Variants in LAMA3 observed in about 807,000 individuals in gnomAD.
The protein encoded by LAMA3 is laminin subunit alpha-3.
In LAMA3, 281 loss-of-function variants were observed where a neutral mutation model predicts 402.0. The ratio of observed to expected loss-of-function variants is 0.70; its 90% CI spans 0.63 to 0.77. The LOEUF is 0.77. LAMA3 is among the 30% of genes least tolerant of loss of function. LAMA3 has a pLI of 0.00. For synonymous variants in LAMA3, 1,431 were observed against 1,558.4 expected, an observed-to-expected ratio of 0.92 and a Z score of 1.93; for missense variants, 3,840 against 4,215.5, an observed-to-expected ratio of 0.91 and a Z score of 2.47.
chr18:23,850,478 C>T (rs2063919370), intron 32 of LAMA3, among the ~76,000 whole-genome samples: 1 of 152,228 alleles, frequency 6.6e-6, no homozygotes, highest in Non-Finnish European at 1.5e-5. Flanking sequence ...GCCTGGCTTT[C>T]AGCTTCTTAC....
intron 7 of LAMA3, among the ~76,000 whole-genome samples, chr18:23,762,514 AG>A (rs1243907547): frequency 1.3e-5 from 2 of 151,508 alleles, no homozygotes; most frequent in African/African-American, 4.8e-5. Flanking sequence ...GCTTGAACCC[AG>A]GAGGCAGAGG....
intron 12 of LAMA3, among the ~76,000 whole-genome samples, chr18:23,798,948 A>G (rs1207066317): frequency 6.6e-6 from 1 of 152,242 alleles, no homozygotes; most frequent in African/African-American, 2.4e-5. Context: ...GGCATTATTC[A>G]TGGCAATGTC....
intron 8 of LAMA3, among the ~76,000 whole-genome samples, chr18:23,768,348 C>A (rs1024004336): frequency 6.6e-6 from 1 of 152,124 alleles, no homozygotes; most frequent in Non-Finnish European, 1.5e-5. Flanking sequence ...AGACACTTTG[C>A]AGAAGAAGAC....
At chr18:23,915,493 T>A in intron 59 of LAMA3, 71 bp downstream of exon 59, 1 of 1,419,202 alleles carries the variant, frequency 7.0e-7, no homozygotes, top group Non-Finnish European at 9.9e-7. Context: ...TTACATATGA[T>A]AAAGGATGGG....
At chr18:23,804,965 C>CT (rs2062934143) in intron 12 of LAMA3, among the ~76,000 whole-genome samples, 1 of 152,204 alleles carries the variant, frequency 6.6e-6, no homozygotes, top group Non-Finnish European at 1.5e-5. Context: ...TCCTGTACAG[C>CT]TTGCAAAACT....
At position 23,826,805 on chromosome 18, in the gene LAMA3, T is replaced by A; in HGVS notation, c.2669+6T>A. The A allele has an allele frequency of 6.5e-7, 1 of 1,546,074 alleles. No homozygotes were observed. Among genetic ancestry groups the A allele is most frequent in the South Asian group, 1.2e-5 (1 of 84,196 alleles). On this transcript the variant is annotated splice_donor_region_variant and intron_variant, in intron 22 of 74. Transcript: ENST00000313654. The stretch of plus-strand genomic sequence containing the variant: ...GCAGGACCTCCCCAAGAAAAGTCAG[T>A]GTGGGGCAGAAGGTGCAGCCGCATC...
chr18:23,709,259 G>C (rs977414025), intron 1 of LAMA3, among the ~76,000 whole-genome samples: 1 of 151,660 alleles, frequency 6.6e-6, no homozygotes, highest in Non-Finnish European at 1.5e-5. Flanking sequence ...TTTTAGTAGA[G>C]ACGGGGTTTC....
intron 13 of LAMA3, among the ~76,000 whole-genome samples, chr18:23,812,445 G>T (rs766408539): frequency 6.8e-4 from 103 of 152,288 alleles, no homozygotes; most frequent in Admixed American, 3.6e-3. Context: ...AAGCAAACAA[G>T]ATCCTATTAT....
At chr18:23,729,980 T>A (rs2061363946) in intron 2 of LAMA3, among the ~76,000 whole-genome samples, 3 of 152,248 alleles carry the variant, frequency 2.0e-5, no homozygotes, top group Admixed American at 2.0e-4. Flanking sequence ...GCTGTCATGA[T>A]GTTGTTCATC....
chr18:23,951,633 C>T (rs368135082), intron 72 of LAMA3, 51 bp from the exon 73 acceptor site: 453 of 1,443,846 alleles, frequency 3.1e-4, no homozygotes, highest in Non-Finnish European at 4.2e-4. Flanking sequence ...AGGGGAAGGT[C>T]GGCTCCACCT....
At chr18:23,882,658 A>G (rs2064940332) in intron 40 of LAMA3, among the ~76,000 whole-genome samples, 2 of 151,630 alleles carry the variant, frequency 1.3e-5, no homozygotes, top group African/African-American at 2.4e-5. Context: ...TCCAAGTTGT[A>G]TACTTCCAGG....
intron 29 of LAMA3, among the ~76,000 whole-genome samples, chr18:23,844,142 C>T (rs561952997): frequency 2.0e-5 from 3 of 152,156 alleles, no homozygotes; most frequent in Admixed American, 6.5e-5. Context: ...GCTCAGCAAA[C>T]GTTTATTGAA....
chr18:23,863,234 A>G (rs1025522569), intron 35 of LAMA3, among the ~76,000 whole-genome samples: 3 of 152,240 alleles, frequency 2.0e-5, no homozygotes, highest in Non-Finnish European at 4.4e-5. Context: ...ATCTGAGGTC[A>G]GGAGTTTGAG....
chr18:23,758,715 C>A (rs2061905418), intron 7 of LAMA3, among the ~76,000 whole-genome samples: 1 of 152,218 alleles, frequency 6.6e-6, no homozygotes, highest in African/African-American at 2.4e-5. Context: ...AGAAAAAGAA[C>A]AATAATGATG....
In LAMA3 at chr18:23,901,341, A is replaced by T; in HGVS notation, c.6201+18A>T. The T allele has an allele frequency of 1.9e-6, 3 of 1,604,438 alleles. No individual in the cohort carries two copies. Among genetic ancestry groups the T allele is most frequent in the Non-Finnish European group, 2.6e-6 (3 of 1,171,682 alleles). On this transcript the variant is annotated intron_variant, in intron 48 of 74. Coordinates refer to ENST00000313654, the MANE Select transcript of LAMA3 (RefSeq NM_198129.4). The stretch of plus-strand genomic sequence containing the variant: ...CCATTCAGGTGAGTTCACAGTTTGA[A>T]GTTGCACACTTTCGTTAATAAGGAT...
At chr18:23,907,528 C>A in intron 52 of LAMA3, 22 bp from the exon 53 acceptor site, 1 of 1,533,660 alleles carries the variant, frequency 6.5e-7, no homozygotes, top group Non-Finnish European at 9.0e-7. Flanking sequence ...TAATTGCCTC[C>A]TGATGCTTTA....
chr18:23,758,322 G>T, intron 6 of LAMA3, 74 bp from the exon 7 acceptor site: 1 of 1,055,838 alleles, frequency 9.5e-7, no homozygotes, highest in Non-Finnish European at 1.4e-6. Context: ...CGTGTGTCAG[G>T]TTCGCACTAT....
chr18:23,758,557 C>G, intron 7 of LAMA3, 46 bp downstream of exon 7: 2 of 1,052,300 alleles, frequency 1.9e-6, no homozygotes, highest in Non-Finnish European at 2.9e-6. Flanking sequence ...CTTCTCCCCC[C>G]TCTCCCTGGG....
rs12608087 is a variant in LAMA3, at chr18:23,816,593, C to T, written c.2147+106C>T. On this transcript the variant is annotated intron_variant, in intron 18 of 74. Coordinates refer to ENST00000313654, the MANE Select transcript of LAMA3 (RefSeq NM_198129.4). ...AGAAGAGAGAAGCAGCCCTAAAGAT[C>T]GAGGTCAGGGGAAGCTGTCCTATGT... is the stretch of plus-strand genomic sequence containing the variant. The T allele has an allele frequency of 0.12, 113,359 of 921,264 alleles. 12,039 individuals carry two copies. The highest frequency in any genetic ancestry group is 0.57 in the East Asian group (21,814 of 38,414). The allele number at this position is 921,264 out of a possible 1,614,324, so 57.1% of individuals were successfully genotyped here.
Sources: allele counts gnomAD v4.1 joint callset (sites outside exome capture counted in the v4.1 genomes callset), GRCh38; gene constraint gnomAD v4.1.1; transcripts MANE v1.5; gene names NCBI Gene and HGNC (gene_info 2026-07-23, HGNC 2026-07-21).